The following TBC1D4 variants were observed in gnomAD, a reference collection of about 807,000 sequenced individuals.
TBC1D4 encodes the protein TBC1 domain family member 4.
Under a neutral mutation model 142.5 loss-of-function variants are expected in TBC1D4, and 121 were observed. The observed-to-expected ratio is 0.85, with a 90% CI of 0.73 to 0.99. The LOEUF is 0.99. TBC1D4 is among the 50% of genes least tolerant of loss of function. The pLI is 0.00. For synonymous variants in TBC1D4, 630 were observed against 628.2 expected (o/e 1.00, Z -0.04); for missense variants, 1,475 against 1,606.6 (o/e 0.92, Z 1.40).
chr13:75,324,175 G>T, intron 11 of TBC1D4, 62 bp downstream of exon 11: 4 of 1,592,088 alleles, frequency 2.5e-6, no homozygotes, highest in Non-Finnish European at 3.4e-6. Flanking sequence ...CCACTTTTTA[G>T]TAACATATCA....
Position 75,481,623 on chromosome 13 carries a change from T to G in TBC1D4, c.145A>C (p.Arg49=), listed in dbSNP as rs762356413. 10 of 1,608,362 alleles carry G rather than the reference T, an allele frequency of 6.2e-6. No homozygotes were observed. The highest frequency in any genetic ancestry group is 5.1e-6 in the Non-Finnish European group (6 of 1,177,704). The part of the protein sequence containing the change: ...WYVGGSCLDH[R]TTLPMLPWLM... ...CAGGGCAGCATAGGCAGCGTGGTCCTGTGGTCCAGGCACGACCCCCCAACG... is the reference window on the plus strand; with the variant it reads ...CAGGGCAGCATAGGCAGCGTGGTCCGGTGGTCCAGGCACGACCCCCCAACG... The change falls in exon 1 of 21, where the codon AGG becomes CGG. Residue 49 remains arginine (R), a synonymous_variant. Transcript: ENST00000377636.
At chr13:75,458,561 C>T (rs181419035) in intron 1 of TBC1D4, among the ~76,000 whole-genome samples, 1 of 152,174 alleles carries the variant, frequency 6.6e-6, no homozygotes. Context: ...GGGAACCGCC[C>T]TCTTTTACCT....
intron 19 of TBC1D4, 111 bp from the exon 20 acceptor site, chr13:75,289,221 C>T (rs1875011167): frequency 7.3e-7 from 1 of 1,362,414 alleles, no homozygotes; most frequent in Non-Finnish European, 1.0e-6. Flanking sequence ...TAATGAAGAA[C>T]ATTAAAGCAT....
chr13:75,301,827 T>C (rs1332824890), intron 16 of TBC1D4, among the ~76,000 whole-genome samples: 1 of 152,202 alleles, frequency 6.6e-6, no homozygotes, highest in Non-Finnish European at 1.5e-5. Flanking sequence ...AAAGGATTGT[T>C]TTCAGCAGTG....
intron 11 of TBC1D4, among the ~76,000 whole-genome samples, chr13:75,320,741 T>C (rs1162285224): frequency 6.6e-6 from 1 of 151,720 alleles, no homozygotes; most frequent in Non-Finnish European, 1.5e-5. Flanking sequence ...AAAGTAATAG[T>C]AGGCTGGGCG....
At chr13:75,325,950 G>GT (rs942393843) in intron 10 of TBC1D4, among the ~76,000 whole-genome samples, 26 of 152,054 alleles carry the variant, frequency 1.7e-4, no homozygotes, top group Admixed American at 1.6e-3. Flanking sequence ...TGGTTATCTT[G>GT]TTTTTTCTAT....
chr13:75,285,780 G>GA lies in TBC1D4; in HGVS notation c.*1011dup, dbSNP rs1874612675. ...ATTTCAACACAGCTTGTCATCTTTG[G>GA]AAAAAATCAATCATAATTACGTTTC... On this transcript the variant is annotated 3_prime_UTR_variant, in exon 21 of 21. Coordinates refer to ENST00000377636, the MANE Select transcript of TBC1D4 (RefSeq NM_014832.5). 3 of 152,502 alleles carry GA rather than the reference G, an allele frequency of 2.0e-5. No homozygotes were observed. The highest frequency in any genetic ancestry group is 4.2e-4 in the South Asian group (2 of 4,816). 9.4% of individuals were successfully genotyped at this position (152,502 alleles called of 1,614,324 possible). A position where few individuals can be genotyped will look rare whatever the true frequency, so the allele number is the denominator to read the frequency against.
chr13:75,400,716 T>C (rs945008688), intron 1 of TBC1D4, among the ~76,000 whole-genome samples: 8 of 151,804 alleles, frequency 5.3e-5, no homozygotes, highest in Admixed American at 2.0e-4. Context: ...TCCACCTGCC[T>C]CGGCCTCCCA....
intron 1 of TBC1D4, among the ~76,000 whole-genome samples, chr13:75,460,499 C>G (rs977635595): frequency 2.6e-5 from 4 of 151,764 alleles, no homozygotes; most frequent in African/African-American, 7.3e-5. Context: ...CAGGTGGGCA[C>G]GAGGAATGAT....
intron 11 of TBC1D4, 137 bp downstream of exon 11, chr13:75,324,100 T>C: frequency 1.0e-6 from 1 of 993,300 alleles, no homozygotes; most frequent in South Asian, 1.5e-5. Context: ...GAAACCAATA[T>C]ATTAGAAACA....
intron 1 of TBC1D4, among the ~76,000 whole-genome samples, chr13:75,409,688 C>T (rs1885511464): frequency 6.6e-6 from 1 of 152,178 alleles, no homozygotes; most frequent in Non-Finnish European, 1.5e-5. Context: ...AAACACAAAT[C>T]TCTTTAATGA....
intron 1 of TBC1D4, among the ~76,000 whole-genome samples, chr13:75,425,863 G>A (rs1005627966): frequency 4.6e-5 from 7 of 152,072 alleles, no homozygotes; most frequent in African/African-American, 1.7e-4. Context: ...AGTTAGATAG[G>A]AGGAACATGT....
intron 1 of TBC1D4, among the ~76,000 whole-genome samples, chr13:75,396,179 G>A (rs1884787478): frequency 6.6e-6 from 1 of 152,114 alleles, no homozygotes; most frequent in African/African-American, 2.4e-5. Context: ...AACAGACGTA[G>A]AAAAAAATCA....
At chr13:75,429,332 T>C (rs1886504052) in intron 1 of TBC1D4, among the ~76,000 whole-genome samples, 1 of 152,192 alleles carries the variant, frequency 6.6e-6, no homozygotes, top group Admixed American at 6.5e-5. Context: ...AATATTTTCA[T>C]CTCATCACAA....
At chr13:75,317,330 C>A (rs932615282) in intron 12 of TBC1D4, among the ~76,000 whole-genome samples, 5 of 152,202 alleles carry the variant, frequency 3.3e-5, no homozygotes, top group Non-Finnish European at 5.9e-5. Flanking sequence ...TTGGGTACTT[C>A]TCTTTCCATT....
chr13:75,353,690 T>C (rs1881803990), intron 4 of TBC1D4, among the ~76,000 whole-genome samples: 1 of 151,930 alleles, frequency 6.6e-6, no homozygotes, highest in South Asian at 2.1e-4. Flanking sequence ...AAATATGCAG[T>C]AGAAAAGAAG....
At chr13:75,386,386 C>CTTTTTTTTTT (rs67450573) in intron 1 of TBC1D4, among the ~76,000 whole-genome samples, 1 of 143,754 alleles carries the variant, frequency 7.0e-6, no homozygotes, top group African/African-American at 2.6e-5. Flanking sequence ...TTTTCTTTTT[C>CTTTTTTTTTT]TTTTTCTTTT....
At chr13:75,293,771 T>C (rs7330431) in intron 18 of TBC1D4, among the ~76,000 whole-genome samples, 32,421 of 152,228 alleles carry the variant, frequency 0.21, 3,891 homozygotes, top group African/African-American at 0.31. Flanking sequence ...AGATATCATA[T>C]GTTGTAATCT....
chr13:75,391,036 AC>A, intron 1 of TBC1D4, among the ~76,000 whole-genome samples: 1 of 8,210 alleles, frequency 1.2e-4, no homozygotes, highest in Non-Finnish European at 1.2e-3. Context: ...CCCCCACCAC[AC>A]ACACACACAC....
Sources: allele counts gnomAD v4.1 joint callset (sites outside exome capture counted in the v4.1 genomes callset), GRCh38; gene constraint gnomAD v4.1.1; transcripts MANE v1.5; gene names NCBI Gene and HGNC (gene_info 2026-07-23, HGNC 2026-07-21).